Variants in CAMTA1 observed in about 807,000 individuals in gnomAD.
CAMTA1 encodes the protein calmodulin binding transcription activator 1.
Under a neutral mutation model 170.9 loss-of-function variants are expected in CAMTA1, and 27 were observed. The ratio of observed to expected loss-of-function variants is 0.16; its 90% confidence interval spans 0.12 to 0.22. CAMTA1 has a LOEUF of 0.22. Ranked by LOEUF, CAMTA1 falls within the 10% of genes least tolerant of loss-of-function variation. The pLI is 1.00. For synonymous variants in CAMTA1, 833 were observed against 891.5 expected, an observed-to-expected ratio of 0.93 and a Z score of 1.17; for missense variants, 1,619 against 2,217.2, an observed-to-expected ratio of 0.73 and a Z score of 5.42.
intron 4 of CAMTA1, among the ~76,000 whole-genome samples, chr1:7,123,425 C>T (rs1429502566): frequency 6.6e-6 from 1 of 152,124 alleles, no homozygotes; most frequent in Admixed American, 6.5e-5. Flanking sequence ...GACCCTATTT[C>T]TCAATGTCCC....
rs1433290442 is a variant in CAMTA1 at position 7,195,013 on chromosome 1, T to C, written c.303-54478T>C. Reference sequence around the variant, plus strand: ...TCTCATGGACTAAAACGTGGTAAATTGTCAAACTTCTCAGAGTAGGAAGAT... The same window carrying C: ...TCTCATGGACTAAAACGTGGTAAATCGTCAAACTTCTCAGAGTAGGAAGAT... On this transcript the variant is annotated intron_variant, in intron 4 of 22. Transcript: ENST00000303635. The surrounding 1 kb of genome is among the most constrained non-coding windows in gnomAD (Gnocchi z 4.1). 1.3e-5 allele frequency among the ~76,000 whole-genome samples: 2 copies of C among 152,184 alleles called. No individual in the cohort carries two copies. Among genetic ancestry groups the C allele is most frequent in the African/African-American group, 4.8e-5 (2 of 41,428 alleles).
intron 6 of CAMTA1, among the ~76,000 whole-genome samples, chr1:7,495,615 G>A (rs1393389433): frequency 3.3e-5 from 5 of 152,174 alleles, no homozygotes; most frequent in Non-Finnish European, 5.9e-5. Context: ...GGCAAAGCCT[G>A]TTAGCATCCC....
Position 7,080,268 on chromosome 1 carries a change from G to GT in CAMTA1, c.235-11029dup, listed in dbSNP as rs139023346. On this transcript the variant is annotated intron_variant, in intron 3 of 22. Transcript: ENST00000303635. ...TAACTTTTTCTATTCTAAAAGAAAT[G>GT]TTTTTTTAATCTCTCAAAATAGGTG... Among the ~76,000 whole-genome samples the GT allele has an allele frequency of 3.5e-3, 525 of 151,818 alleles. 4 individuals carry two copies. The highest frequency in any genetic ancestry group is 0.012 in the African/African-American group (484 of 41,374).
Position 7,503,759 on chromosome 1 carries a change from C to T in CAMTA1, c.510+35858C>T, listed in dbSNP as rs566018215. ...GGCCCTCGGGAGGTGGGGGGAGCCT[C>T]CTGTTTGTGTGTAGCCTGCCCACCC... On this transcript the variant is annotated intron_variant, in intron 6 of 22. Coordinates refer to ENST00000303635, the MANE Select transcript of CAMTA1 (RefSeq NM_015215.4). Among the ~76,000 whole-genome samples the T allele has an allele frequency of 4.6e-5, 7 of 152,276 alleles. No individual in the cohort carries two copies. In the South Asian group the frequency reaches 1.5e-3, roughly 32 times the overall value.
At chr1:6,807,216 T>C (rs12070784) in intron 1 of CAMTA1, 26,902 of 449,392 alleles carry the variant, frequency 0.06, 940 homozygotes, top group Middle Eastern at 0.11. Context: ...GGTAATTGGG[T>C]GAGTTTGTTA....
At chr1:6,836,624 C>CGT (rs1653258518) in intron 3 of CAMTA1, among the ~76,000 whole-genome samples, 1 of 152,064 alleles carries the variant, frequency 6.6e-6, no homozygotes, top group Non-Finnish European at 1.5e-5. Flanking sequence ...TATGTGCATG[C>CGT]ATGTGCACTC....
Position 7,661,865 on chromosome 1 carries a change from G to C in CAMTA1, c.804G>C (p.Leu268=). ...RTHNCLCTGS[L]GAGGSVHHKC... ...ACAACTGCCTCTGCACCGGCAGCCT[G>C]GGTGAGCCGGGGCTCCCGGGGCAGG... The change falls in exon 8 of 23, where the codon CTG becomes CTC. Residue 268 remains leucine (L), a splice_region_variant and synonymous_variant. Transcript: ENST00000303635. The C allele has an allele frequency of 6.2e-7, 1 of 1,607,180 alleles. No individual in the cohort carries two copies.
rs113004551 is a variant in CAMTA1, at chr1:7,762,550, A to C, written c.4990-3909A>C. Among the ~76,000 whole-genome samples the C allele has an allele frequency of 4.1e-3, 630 of 152,338 alleles. 2 individuals carry two copies. The highest frequency in any genetic ancestry group is 6.3e-3 in the Non-Finnish European group (430 of 68,016). On this transcript the variant is annotated intron_variant, in intron 22 of 22. Transcript: ENST00000303635. The stretch of plus-strand genomic sequence containing the variant: ...TTTGATTTAAAACAAAACAAAAATT[A>C]AGCCCCACTGTCTCATCCTAATAAT...
chr1:7,289,488 A>G (rs1214574149), intron 5 of CAMTA1, among the ~76,000 whole-genome samples: 1 of 152,202 alleles, frequency 6.6e-6, no homozygotes, highest in Non-Finnish European at 1.5e-5. Flanking sequence ...CCATTTCCTC[A>G]TCTATAAAAT....
At chr1:7,624,902 G>C (rs1364653362) in intron 6 of CAMTA1, among the ~76,000 whole-genome samples, 1 of 152,200 alleles carries the variant, frequency 6.6e-6, no homozygotes, top group Non-Finnish European at 1.5e-5. Context: ...ATAAAGGGAG[G>C]CTGGAAGGAC....
Position 7,602,983 on chromosome 1 carries a change from C to G in CAMTA1, c.511-37417C>G, listed in dbSNP as rs561915645. Among the ~76,000 whole-genome samples, 16 of 152,296 alleles carry G rather than the reference C, an allele frequency of 1.1e-4. No homozygotes were observed. In the South Asian group the frequency reaches 3.3e-3, roughly 32 times the overall value. ...AGTGGTTTTGAGTGAGTTTCTGAATCCTGAGTTCTAGTTTGATTGCACTGT... is the reference window on the plus strand; with the variant it reads ...AGTGGTTTTGAGTGAGTTTCTGAATGCTGAGTTCTAGTTTGATTGCACTGT... On this transcript the variant is annotated intron_variant, in intron 6 of 22. Coordinates refer to ENST00000303635, the MANE Select transcript of CAMTA1 (RefSeq NM_015215.4).
At position 7,410,854 on chromosome 1, in the gene CAMTA1, C is replaced by G. The variant is rs1043480703; in HGVS notation, c.439-56976C>G. On this transcript the variant is annotated intron_variant, in intron 5 of 22. Coordinates refer to ENST00000303635, the MANE Select transcript of CAMTA1 (RefSeq NM_015215.4). ...TGGGAGATACTTGCTAGTTGTGTCA[C>G]TAAAGGGGTTGTGGGTTCCCAACGT... Among the ~76,000 whole-genome samples the G allele has an allele frequency of 2.6e-5, 4 of 151,950 alleles. No individual in the cohort carries two copies. The South Asian group carries it at 6.2e-4, about 24-fold the overall frequency.
chr1:7,569,145 G>A (rs896392043), intron 6 of CAMTA1, among the ~76,000 whole-genome samples: 3 of 133,280 alleles, frequency 2.3e-5, no homozygotes, highest in East Asian at 2.4e-4. Flanking sequence ...TCATCACCAC[G>A]ATCATCACCA....
chr1:7,182,106 G>A (rs781544511), intron 4 of CAMTA1, among the ~76,000 whole-genome samples: 3 of 152,112 alleles, frequency 2.0e-5, no homozygotes, highest in Non-Finnish European at 2.9e-5. Context: ...AATCACTGGA[G>A]CAGAGATTAC....
rs994012817 is a variant in CAMTA1, at chr1:7,680,701, C to T, written c.2914+2968C>T. ...GGTGGCCTCTGCTGCATGTGGGATG[C>T]GCCCTTTGTCCCCTCTGCCATGCGC... On this transcript the variant is annotated intron_variant, in intron 11 of 22. Transcript: ENST00000303635. This position sits in a 1 kb window ranked among gnomAD's most constrained non-coding sequence, Gnocchi z 4.4. Among the ~76,000 whole-genome samples, 8 of 152,058 alleles carry T rather than the reference C, an allele frequency of 5.3e-5. No homozygotes were observed. Among genetic ancestry groups the T allele is most frequent in the African/African-American group, 1.9e-4 (8 of 41,428 alleles).
At chr1:7,533,650 C>T (rs920344132) in intron 6 of CAMTA1, among the ~76,000 whole-genome samples, 4 of 152,124 alleles carry the variant, frequency 2.6e-5, no homozygotes, top group East Asian at 1.9e-4. Flanking sequence ...CGGTGGCTCA[C>T]GCCTGTAATC....
chr1:7,072,256 C>G (rs1484876458), intron 3 of CAMTA1, among the ~76,000 whole-genome samples: 2 of 152,166 alleles, frequency 1.3e-5, no homozygotes, highest in East Asian at 3.9e-4. Flanking sequence ...TGGCTGTGTG[C>G]TGGTTGGCTA....
chr1:7,353,251 C>T (rs550464258), intron 5 of CAMTA1, among the ~76,000 whole-genome samples: 1 of 152,296 alleles, frequency 6.6e-6, no homozygotes, highest in Non-Finnish European at 1.5e-5. Context: ...TGGCCCATCT[C>T]AGCCACCAAA....
Position 7,664,823 on chromosome 1 carries a change from A to G in CAMTA1, c.2276A>G (p.Glu759Gly). The G allele has an allele frequency of 6.2e-7, 1 of 1,613,458 alleles. No homozygotes were observed. Among genetic ancestry groups the G allele is most frequent in the Non-Finnish European group, 8.5e-7 (1 of 1,179,962 alleles). ...AGCCTCGGCAACGCCTCCAACATGGAGCTCAGCCTGGACCACTTTGACATC... is the reference window on the plus strand; with the variant it reads ...AGCCTCGGCAACGCCTCCAACATGGGGCTCAGCCTGGACCACTTTGACATC... Reference protein sequence around the residue: ...QPSLGNASNMELSLDHFDISF... With the variant: ...QPSLGNASNMGLSLDHFDISF... Residue 759 changes from glutamate (E) to glycine (G), a missense_variant, in exon 9 of 23, where the codon GAG becomes GGG. By Grantham distance (98) the Glu-to-Gly change is moderately conservative. Transcript: ENST00000303635.
Sources: allele counts gnomAD v4.1 joint callset (sites outside exome capture counted in the v4.1 genomes callset), GRCh38; gene constraint gnomAD v4.1.1; non-coding constraint Gnocchi (gnomAD v3.1); transcripts MANE v1.5; gene names NCBI Gene and HGNC (gene_info 2026-07-23, HGNC 2026-07-21).